TPST1: variants seen among roughly 807,000 people sequenced by gnomAD.
TPST1 encodes the protein protein-tyrosine sulfotransferase 1.
In TPST1, 20 loss-of-function variants were observed where a neutral mutation model predicts 34.8. The ratio of observed to expected loss-of-function variants is 0.57; its 90% confidence interval spans 0.40 to 0.84. The LOEUF (loss-of-function observed/expected upper bound fraction) is 0.84, where lower values mean the gene tolerates loss of function less well. Among genes scored for constraint, TPST1 ranks in the 40% least tolerant of loss-of-function variants. The probability of loss-of-function intolerance (pLI) is 0.00; values close to 1 mark genes in which losing one functional copy is unlikely to be tolerated. For missense variants in TPST1, 353 were observed against 455.5 expected (o/e 0.78, Z 2.05); for synonymous variants, 152 against 159.4 (o/e 0.95, Z 0.35).
At chr7:66,348,725 T>C (rs1792406219) in intron 3 of TPST1, among the ~76,000 whole-genome samples, 1 of 152,254 alleles carries the variant, frequency 6.6e-6, no homozygotes, top group Non-Finnish European at 1.5e-5. Flanking sequence ...GTCAGTTTTC[T>C]GCACTGTGTA....
chr7:66,349,839 A>T (rs79189668), intron 3 of TPST1, among the ~76,000 whole-genome samples: 1 of 152,234 alleles, frequency 6.6e-6, no homozygotes, highest in East Asian at 1.9e-4. Flanking sequence ...CCCAAAACAA[A>T]TAAAACATTC....
chr7:66,253,951 C>T (rs1277671833), intron 2 of TPST1, among the ~76,000 whole-genome samples: 2 of 135,316 alleles, frequency 1.5e-5, no homozygotes, highest in Non-Finnish European at 1.5e-5. Flanking sequence ...TGCAGTGATC[C>T]AAGATTGTAC....
At chr7:66,355,115 T>C (rs1165760953) in intron 4 of TPST1, among the ~76,000 whole-genome samples, 1 of 152,178 alleles carries the variant, frequency 6.6e-6, no homozygotes, top group East Asian at 1.9e-4. Context: ...ATTGAGGATG[T>C]TTATGTAATA....
intron 1 of TPST1, among the ~76,000 whole-genome samples, chr7:66,238,124 C>G (rs1013052979): frequency 3.3e-5 from 5 of 152,198 alleles, no homozygotes; most frequent in Non-Finnish European, 7.3e-5. Flanking sequence ...TCTGGAGCCT[C>G]AGTAAGTTTA....
intron 2 of TPST1, among the ~76,000 whole-genome samples, chr7:66,268,954 G>C (rs1790644912): frequency 6.6e-6 from 1 of 152,162 alleles, no homozygotes; most frequent in African/African-American, 2.4e-5. Flanking sequence ...AAGTGCTGAG[G>C]TTACAGGGCG....
chr7:66,255,815 A>C (rs1402599684), intron 2 of TPST1, among the ~76,000 whole-genome samples: 1 of 152,188 alleles, frequency 6.6e-6, no homozygotes, highest in Non-Finnish European at 1.5e-5. Flanking sequence ...TGGTCATTGT[A>C]CTTTTAGTAC....
chr7:66,250,117 A>G (rs1451180148), intron 2 of TPST1, among the ~76,000 whole-genome samples: 1 of 152,240 alleles, frequency 6.6e-6, no homozygotes, highest in African/African-American at 2.4e-5. Flanking sequence ...TGGTAATGAT[A>G]CCATCCAACA....
At chr7:66,203,520 C>G (rs1789058119), upstream of TPST1, among the ~76,000 whole-genome samples, 1 of 149,136 alleles carries the variant, frequency 6.7e-6, no homozygotes, top group Non-Finnish European at 1.5e-5. Flanking sequence ...GAGTCTCACT[C>G]TGTTGCCCAG....
At chr7:66,258,866 A>G (rs1264928283) in intron 2 of TPST1, among the ~76,000 whole-genome samples, 2 of 152,136 alleles carry the variant, frequency 1.3e-5, no homozygotes, top group Non-Finnish European at 2.9e-5. Flanking sequence ...TTATGGTTCT[A>G]ATTTTATTCT....
chr7:66,253,433 C>T (rs1463849070), intron 2 of TPST1, among the ~76,000 whole-genome samples: 2 of 149,904 alleles, frequency 1.3e-5, no homozygotes, highest in Non-Finnish European at 3.0e-5. Context: ...TGCAGTGGCA[C>T]GATCTCAGCT....
intron 3 of TPST1, among the ~76,000 whole-genome samples, chr7:66,317,653 A>G (rs1361220182): frequency 6.6e-6 from 1 of 151,236 alleles, no homozygotes; most frequent in Non-Finnish European, 1.5e-5. Flanking sequence ...AATCTTACCT[A>G]TGTTGTTTTT....
At chr7:66,345,213 A>G (rs1484267940) in intron 3 of TPST1, among the ~76,000 whole-genome samples, 1 of 150,902 alleles carries the variant, frequency 6.6e-6, no homozygotes, top group African/African-American at 2.4e-5. Flanking sequence ...ATCAATACCA[A>G]ATGCCAGGTG....
intron 2 of TPST1, among the ~76,000 whole-genome samples, chr7:66,263,874 AG>A (rs1182839437): frequency 6.6e-6 from 1 of 152,228 alleles, no homozygotes; most frequent in Non-Finnish European, 1.5e-5. Flanking sequence ...CAACTTTTTC[AG>A]AACTCTAGAA....
At chr7:66,335,784 T>G (rs973192398) in intron 3 of TPST1, among the ~76,000 whole-genome samples, 2 of 152,190 alleles carry the variant, frequency 1.3e-5, no homozygotes, top group African/African-American at 4.8e-5. Context: ...GGCCAGTACT[T>G]AAGCTCTCAT....
In TPST1 at chr7:66,240,616, C is replaced by T. The variant is rs968857421; in HGVS notation, c.191C>T (p.Ala64Val). 6.2e-7 allele frequency: 1 copy of T among 1,614,066 alleles called. No homozygotes were observed. The highest frequency in any genetic ancestry group is 1.3e-5 in the African/African-American group (1 of 74,940). Residue 64 changes from alanine (A) to valine (V), a missense_variant, in exon 2 of 6, where the codon GCC (alanine) becomes GTC (valine). Ala to Val is a moderately conservative substitution (Grantham distance 64, BLOSUM62 0). Coordinates refer to ENST00000304842, the MANE Select transcript of TPST1 (RefSeq NM_003596.4). ...GLDLKANKTF[A>V]YHKDMPLIFI... ...GACCTCAAAGCCAACAAAACCTTTG[C>T]CTATCACAAAGATATGCCTTTAATA...
chr7:66,351,373 C>T (rs970144951), intron 3 of TPST1, among the ~76,000 whole-genome samples: 8 of 152,028 alleles, frequency 5.3e-5, no homozygotes, highest in African/African-American at 1.4e-4. Flanking sequence ...GCCACCTTGC[C>T]GTAAACCAGG....
At chr7:66,351,088 A>G (rs1281468765) in intron 3 of TPST1, among the ~76,000 whole-genome samples, 1 of 152,124 alleles carries the variant, frequency 6.6e-6, no homozygotes, top group Non-Finnish European at 1.5e-5. Context: ...CTCTCTCTCA[A>G]TCACTACCAC....
At chr7:66,336,111 C>T (rs933124204) in intron 3 of TPST1, among the ~76,000 whole-genome samples, 2 of 152,184 alleles carry the variant, frequency 1.3e-5, no homozygotes, top group Non-Finnish European at 2.9e-5. Flanking sequence ...GGGATCGAGA[C>T]CATCCTGGCT....
chr7:66,234,576 G>A (rs932601573), intron 1 of TPST1, among the ~76,000 whole-genome samples: 3 of 152,164 alleles, frequency 2.0e-5, no homozygotes, highest in African/African-American at 7.2e-5. Flanking sequence ...TTGCCAAGAT[G>A]TGTCCAGATT....
Sources: gnomAD v4.1 joint callset for allele counts (sites outside exome capture counted in the v4.1 genomes callset) on GRCh38, gnomAD v4.1.1 for gene constraint, MANE v1.5 for transcripts, NCBI Gene and HGNC (gene_info 2026-07-23, HGNC 2026-07-21) for gene names.